The following GRM1 variants were observed in gnomAD, a reference collection of about 807,000 sequenced individuals.
GRM1 encodes the protein metabotropic glutamate receptor 1.
Under a neutral mutation model 90.9 loss-of-function variants are expected in GRM1, and 33 were observed. The ratio of observed to expected loss-of-function variants is 0.36; its 90% confidence interval spans 0.28 to 0.49. The LOEUF is 0.49. Ranked by LOEUF, GRM1 falls within the 20% of genes least tolerant of loss-of-function variation. The pLI is 0.99. For missense variants in GRM1, 1,190 were observed against 1,534.3 expected, an observed-to-expected ratio of 0.78 and a Z score of 3.75; for synonymous variants, 700 against 613.2, an observed-to-expected ratio of 1.14 and a Z score of -2.09.
At chr6:146,190,120 G>A (rs1005885252) in intron 2 of GRM1, among the ~76,000 whole-genome samples, 7 of 152,116 alleles carry the variant, frequency 4.6e-5, no homozygotes, top group African/African-American at 1.7e-4. Context: ...CCATGCTAAA[G>A]CTGGACCTTT....
At chr6:146,378,216 C>T (rs960274333) in intron 5 of GRM1, among the ~76,000 whole-genome samples, 2 of 152,148 alleles carry the variant, frequency 1.3e-5, no homozygotes, top group Non-Finnish European at 2.9e-5. Context: ...GGGGTGAGCC[C>T]CCATACAGAG....
intron 1 of GRM1, among the ~76,000 whole-genome samples, chr6:146,042,489 C>T (rs1253438818): frequency 6.6e-6 from 1 of 151,946 alleles, no homozygotes; most frequent in Non-Finnish European, 1.5e-5. Context: ...TGCTGAGGAG[C>T]CACGACAAAG....
At chr6:146,200,327 C>T (rs1779259440) in intron 2 of GRM1, among the ~76,000 whole-genome samples, 1 of 152,172 alleles carries the variant, frequency 6.6e-6, no homozygotes, top group Admixed American at 6.5e-5. Context: ...TTTTCAGTTT[C>T]TCATTATCCT....
chr6:146,304,705 T>A lies in GRM1; in HGVS notation c.1045T>A (p.Ser349Thr). 6.2e-7 allele frequency: 1 copy of A among 1,613,738 alleles called. No homozygotes were observed. The highest frequency in any genetic ancestry group is 2.2e-5 in the East Asian group (1 of 44,866). The change falls in exon 3 of 8, where the codon TCA becomes ACA. Residue 349 changes from serine to threonine, a missense_variant. This residue lies in a region of GRM1 where 414 missense variants were observed against 598.4 expected (regional missense o/e 0.69). Transcript: ENST00000282753. ...TIKLQSPEVR[S>T]FDDYFLKLRL... ...AAAGCTGCAGTCTCCAGAGGTCAGG[T>A]CATTTGATGATTATTTCCTGAAACT...
At chr6:146,358,853 TTC>T (rs1775340258) in intron 5 of GRM1, among the ~76,000 whole-genome samples, 1 of 152,220 alleles carries the variant, frequency 6.6e-6, no homozygotes, top group Non-Finnish European at 1.5e-5. Flanking sequence ...AGAAAGAAAC[TTC>T]TGAGATGAGT....
At chr6:146,093,216 C>T (rs1197641747) in intron 1 of GRM1, among the ~76,000 whole-genome samples, 1 of 152,090 alleles carries the variant, frequency 6.6e-6, no homozygotes, top group Non-Finnish European at 1.5e-5. Context: ...ATGGGAAAGC[C>T]TTGCTGTCAC....
chr6:146,122,476 T>G (rs1776027775), intron 1 of GRM1, among the ~76,000 whole-genome samples: 1 of 152,172 alleles, frequency 6.6e-6, no homozygotes, highest in African/African-American at 2.4e-5. Context: ...TAAATTTTCT[T>G]TTATGAATTT....
In GRM1 at chr6:146,434,963, A is replaced by G. The variant is rs1231290540; in HGVS notation, c.*167A>G. On this transcript the variant is annotated 3_prime_UTR_variant, in exon 8 of 8. Coordinates refer to ENST00000282753, the MANE Select transcript of GRM1 (RefSeq NM_001278064.2). ...TGCTGCTGCTGCCTTAAGTAGGAAG[A>G]GAGGGAAGGACACCAAGCAAAAAAT... 2 of 689,828 alleles carry G rather than the reference A, an allele frequency of 2.9e-6. No homozygotes were observed. The highest frequency in any genetic ancestry group is 2.6e-6 in the Non-Finnish European group (1 of 389,082). 42.7% of individuals were successfully genotyped at this position (689,828 alleles called of 1,614,324 possible).
intron 2 of GRM1, among the ~76,000 whole-genome samples, chr6:146,162,777 AT>A (rs1777778821): frequency 2.0e-5 from 3 of 152,034 alleles, no homozygotes; most frequent in East Asian, 3.9e-4. Flanking sequence ...CTCATAGAGA[AT>A]AAAAATATTA....
intron 2 of GRM1, among the ~76,000 whole-genome samples, chr6:146,214,392 A>C (rs888321932): frequency 6.6e-6 from 1 of 152,232 alleles, no homozygotes; most frequent in African/African-American, 2.4e-5. Context: ...AAGAAAACAA[A>C]GATTGCTCCG....
At chr6:146,389,126 T>C (rs1466955722) in intron 6 of GRM1, among the ~76,000 whole-genome samples, 1 of 152,006 alleles carries the variant, frequency 6.6e-6, no homozygotes, top group Non-Finnish European at 1.5e-5. Context: ...TATAAGTAGG[T>C]CCGCTTAGAT....
chr6:146,115,247 C>CAT (rs945601668), intron 1 of GRM1, among the ~76,000 whole-genome samples: 79 of 133,038 alleles, frequency 5.9e-4, no homozygotes, highest in Non-Finnish European at 8.8e-4. Flanking sequence ...CACACACACA[C>CAT]ATATATATAC....
chr6:146,381,816 A>G (rs1338842883), intron 5 of GRM1, among the ~76,000 whole-genome samples: 1 of 152,000 alleles, frequency 6.6e-6, no homozygotes, highest in African/African-American at 2.4e-5. Context: ...TTTTTTAGTT[A>G]CTTTTCCACC....
intron 1 of GRM1, among the ~76,000 whole-genome samples, chr6:146,139,328 A>G (rs1003706197): frequency 6.6e-6 from 1 of 152,156 alleles, no homozygotes; most frequent in Non-Finnish European, 1.5e-5. Flanking sequence ...TATTATGTCT[A>G]TTTGATCTAT....
At chr6:146,352,590 G>A (rs1785445576) in intron 4 of GRM1, 94 bp downstream of exon 4, 2 of 1,275,112 alleles carry the variant, frequency 1.6e-6, no homozygotes, top group African/African-American at 2.9e-5. Context: ...ATGGTTTCTG[G>A]GTGCCATGAG....
intron 2 of GRM1, among the ~76,000 whole-genome samples, chr6:146,246,706 C>T (rs1389814208): frequency 2.6e-5 from 4 of 151,972 alleles, no homozygotes; most frequent in Admixed American, 1.3e-4. Context: ...TTTTTTAAAT[C>T]CAATACATGA....
At chr6:146,195,672 G>T (rs2114597309) in intron 2 of GRM1, among the ~76,000 whole-genome samples, 1 of 152,316 alleles carries the variant, frequency 6.6e-6, no homozygotes, top group East Asian at 1.9e-4. Flanking sequence ...CTGATGTTTT[G>T]ATTCTTTTCT....
chr6:146,260,171 C>T (rs536353536), intron 2 of GRM1, among the ~76,000 whole-genome samples: 1 of 152,076 alleles, frequency 6.6e-6, no homozygotes, highest in Non-Finnish European at 1.5e-5. Context: ...GCCCCCACCC[C>T]TCAACAGGTT....
chr6:146,437,539 G>C lies in GRM1; in HGVS notation c.*2743G>C, dbSNP rs1244942675. On this transcript the variant is annotated 3_prime_UTR_variant, in exon 8 of 8. Coordinates refer to ENST00000282753, the MANE Select transcript of GRM1 (RefSeq NM_001278064.2). ...TTGTAAATGTGTTTTCCTTCGGCTT[G>C]TTACTGCCTTTTGTCAAATAATCTT... 2 of 152,298 alleles carry C rather than the reference G, an allele frequency of 1.3e-5. No individual in the cohort carries two copies. Among genetic ancestry groups the C allele is most frequent in the Non-Finnish European group, 2.9e-5 (2 of 68,012 alleles). The allele number at this position is 152,298 out of a possible 1,614,324, so 9.4% of individuals were successfully genotyped here.
Sources: gnomAD v4.1 joint callset for allele counts (sites outside exome capture counted in the v4.1 genomes callset) on GRCh38, gnomAD v4.1.1 for gene constraint, gnomAD v4.1.1 regional missense constraint, MANE v1.5 for transcripts, NCBI Gene and HGNC (gene_info 2026-07-23, HGNC 2026-07-21) for gene names.